The following RPS29 variants were observed in gnomAD, a reference collection of about 807,000 sequenced individuals.
The protein encoded by RPS29 is ribosomal protein S29.
For synonymous variants in RPS29, 37 were observed against 26.9 expected (o/e 1.37, Z -1.16); for missense variants, 60 against 75.7 (o/e 0.79, Z 0.77).
downstream of RPS29, among the ~76,000 whole-genome samples, chr14:49,578,900 AG>A (rs893322881): frequency 7.9e-5 from 12 of 152,150 alleles, no homozygotes; most frequent in Non-Finnish European, 1.3e-4. Flanking sequence ...TAGTGGTAAG[AG>A]CAGTTTTCAA....
exon 3 of RPS29, chr14:49,577,634 G>A: frequency 2.8e-6 from 2 of 713,418 alleles, no homozygotes; most frequent in South Asian, 3.2e-5. Context: ...CCAATGTTGG[G>A]CATAGATCTG....
At chr14:49,597,820 T>G (rs952035973) in intron 1 of RPS29, 3 of 151,862 alleles carry the variant, frequency 2.0e-5, no homozygotes, top group African/African-American at 7.3e-5. Flanking sequence ...CTAATTTTTT[T>G]GTATTTTTCT....
downstream of RPS29, among the ~76,000 whole-genome samples, chr14:49,578,688 G>C (rs1014116493): frequency 2.0e-5 from 3 of 148,272 alleles, no homozygotes; most frequent in African/African-American, 7.5e-5. Flanking sequence ...AGCCCCCCAA[G>C]TAGCTGGGAT....
intron 1 of RPS29, 96 bp from the exon 2 acceptor site, chr14:49,586,145 A>C: frequency 7.2e-7 from 1 of 1,393,196 alleles, no homozygotes; most frequent in Non-Finnish European, 1.0e-6. Context: ...CCCAAGCCAC[A>C]GTACAGGCCT....
At chr14:49,572,647 G>C (rs1356536339) in exon 3 of RPS29, 1 of 152,102 alleles carries the variant, frequency 6.6e-6, no homozygotes, top group Non-Finnish European at 1.5e-5. Context: ...TATAATGAAG[G>C]ACACAAATGA....
chr14:49,597,927 G>A (rs936965159), intron 1 of RPS29: 2 of 154,870 alleles, frequency 1.3e-5, no homozygotes, highest in African/African-American at 4.8e-5. Context: ...GGGATTACAG[G>A]CGTGAGCCAC....
exon 3 of RPS29, chr14:49,573,103 G>GAAA (rs1566473648): frequency 7.0e-6 from 1 of 142,442 alleles, no homozygotes; most frequent in African/African-American, 2.6e-5. Context: ...AAAGAAAGAA[G>GAAA]GAAAGAAAGA....
chr14:49,571,668 A>C (rs1483002271), exon 3 of RPS29: 2 of 152,152 alleles, frequency 1.3e-5, no homozygotes, highest in African/African-American at 4.8e-5. Flanking sequence ...AACCCCAATA[A>C]AAACTTTAGA....
At chr14:49,578,050 T>C (rs1881234069) in intron 2 of RPS29, among the ~76,000 whole-genome samples, 1 of 152,004 alleles carries the variant, frequency 6.6e-6, no homozygotes, top group Non-Finnish European at 1.5e-5. Context: ...TAATCAGAGA[T>C]GGTTATACTG....
At chr14:49,596,778 C>CT (rs35726560) in intron 1 of RPS29, among the ~76,000 whole-genome samples, 5,822 of 133,858 alleles carry the variant, frequency 0.043, 240 homozygotes, top group African/African-American at 0.11. Context: ...GAGATTGAGG[C>CT]TTTTTTTTTT....
upstream of RPS29, among the ~76,000 whole-genome samples, chr14:49,587,106 G>C (rs1263650444): frequency 6.6e-6 from 1 of 152,128 alleles, no homozygotes; most frequent in Non-Finnish European, 1.5e-5. Flanking sequence ...TTGTTAAAGA[G>C]AGTACGTTTT....
At chr14:49,590,728 TCACC>T (rs1480286872), upstream of RPS29, among the ~76,000 whole-genome samples, 27 of 151,644 alleles carry the variant, frequency 1.8e-4, no homozygotes, top group Non-Finnish European at 3.1e-4. Context: ...TCTCACTCTG[TCACC>T]CAGGCTGGAG....
Position 49,583,721 on chromosome 14 carries a change from T to C in RPS29, c.163-46A>G, listed in dbSNP as rs772747782. 2.0e-5 allele frequency: 23 copies of C among 1,139,112 alleles called. 1 individual carries two copies. The highest frequency in any genetic ancestry group is 3.0e-5 in the Non-Finnish European group (23 of 764,754). 70.6% of individuals were successfully genotyped at this position (1,139,112 alleles called of 1,614,324 possible). A position where few individuals can be genotyped will look rare whatever the true frequency, so the allele number is the denominator to read the frequency against. ...GATTTATTTCAAAATGCTTTAAATCTCTACTTGATTCTCACAAAAAAAAGG... is the reference window on the plus strand; with the variant it reads ...GATTTATTTCAAAATGCTTTAAATCCCTACTTGATTCTCACAAAAAAAAGG... On this transcript the variant is annotated intron_variant, in intron 2 of 2. Coordinates refer to ENST00000245458, the MANE Select transcript of RPS29 (RefSeq NM_001032.5).
At chr14:49,590,555 CT>C (rs1209725007), upstream of RPS29, among the ~76,000 whole-genome samples, 2 of 152,172 alleles carry the variant, frequency 1.3e-5, no homozygotes, top group Non-Finnish European at 2.9e-5. Context: ...TAGAATCATA[CT>C]TTTCCTCTAA....
At chr14:49,575,002 T>A (rs975168945) in exon 3 of RPS29, 11 of 152,324 alleles carry the variant, frequency 7.2e-5, no homozygotes, top group African/African-American at 2.4e-4. Context: ...TGCCCCAGGA[T>A]CAGTGGTTCT....
At chr14:49,592,685 G>T (rs899195326) in intron 1 of RPS29, among the ~76,000 whole-genome samples, 13 of 151,414 alleles carry the variant, frequency 8.6e-5, no homozygotes, top group Non-Finnish European at 1.8e-4. Flanking sequence ...GAGACGCGTG[G>T]GTCACCTGAG....
chr14:49,580,204 C>CT (rs1293402279), downstream of RPS29, among the ~76,000 whole-genome samples: 2 of 152,330 alleles, frequency 1.3e-5, no homozygotes, highest in South Asian at 2.1e-4. Context: ...ATATCACACC[C>CT]TTTTTGACCT....
chr14:49,590,660 G>A (rs1028029229), upstream of RPS29, among the ~76,000 whole-genome samples: 2 of 151,648 alleles, frequency 1.3e-5, no homozygotes, highest in Admixed American at 6.6e-5. Flanking sequence ...ATCATGCCCC[G>A]GTTTTTTCCA....
chr14:49,592,605 A>AG (rs1220237073), intron 1 of RPS29, among the ~76,000 whole-genome samples: 1 of 151,278 alleles, frequency 6.6e-6, no homozygotes, highest in Non-Finnish European at 1.5e-5. Flanking sequence ...GCCGGCCAAA[A>AG]GTCTATGTAT....
Sources: allele counts gnomAD v4.1 joint callset (sites outside exome capture counted in the v4.1 genomes callset), GRCh38; gene constraint gnomAD v4.1.1; transcripts MANE v1.5; gene names NCBI Gene and HGNC (gene_info 2026-07-23, HGNC 2026-07-21).